Variants in MARCHF3 observed in about 807,000 individuals in gnomAD.
MARCHF3 encodes E3 ubiquitin-protein ligase MARCHF3.
A neutral mutation model predicts 24.2 loss-of-function variants in MARCHF3; 13 were observed. That is an observed-to-expected ratio of 0.54 (90% CI 0.35 to 0.85). The LOEUF (loss-of-function observed/expected upper bound fraction) is 0.85. Ranked by LOEUF, MARCHF3 falls within the 40% of genes least tolerant of loss-of-function variation. The pLI, the probability that MARCHF3 is intolerant of heterozygous loss-of-function variation, is 0.01. For missense variants in MARCHF3, 276 were observed against 325.0 expected, an observed-to-expected ratio of 0.85 and a Z score of 1.16; for synonymous variants, 144 against 137.3, an observed-to-expected ratio of 1.05 and a Z score of -0.34.
At chr5:126,988,064 G>A (rs78210476) in intron 1 of MARCHF3, among the ~76,000 whole-genome samples, 7,834 of 152,148 alleles carry the variant, frequency 0.051, 376 homozygotes, top group South Asian at 0.13. Context: ...AAACTGTCTA[G>A]AAAGAACTAG....
chr5:126,935,337 A>G (rs1167606675), intron 1 of MARCHF3, among the ~76,000 whole-genome samples: 1 of 152,090 alleles, frequency 6.6e-6, no homozygotes, highest in East Asian at 1.9e-4. Context: ...CCCTCCCCCA[A>G]ATAAGAAGGA....
At chr5:126,937,175 TCAC>T (rs952653175) in intron 1 of MARCHF3, among the ~76,000 whole-genome samples, 3 of 152,240 alleles carry the variant, frequency 2.0e-5, no homozygotes, top group Admixed American at 6.5e-5. Flanking sequence ...TCATCAGTGG[TCAC>T]CACCACCAAG....
At chr5:127,003,447 G>A (rs180968033) in intron 1 of MARCHF3, among the ~76,000 whole-genome samples, 1 of 149,066 alleles carries the variant, frequency 6.7e-6, no homozygotes, top group Non-Finnish European at 1.5e-5. Flanking sequence ...CAGCCTGGGC[G>A]ACAGAGCGAG....
At chr5:126,937,884 A>C (rs532837376) in intron 1 of MARCHF3, among the ~76,000 whole-genome samples, 1 of 152,180 alleles carries the variant, frequency 6.6e-6, no homozygotes, top group African/African-American at 2.4e-5. Context: ...ATATTCCACA[A>C]AAAAACTCCT....
chr5:126,985,100 T>A (rs1233977462), intron 1 of MARCHF3, among the ~76,000 whole-genome samples: 1 of 152,112 alleles, frequency 6.6e-6, no homozygotes, highest in Non-Finnish European at 1.5e-5. Context: ...AGAACAATGG[T>A]GAATGGACCT....
At chr5:126,899,586 A>C (rs535025776) in intron 3 of MARCHF3, among the ~76,000 whole-genome samples, 5 of 152,270 alleles carry the variant, frequency 3.3e-5, no homozygotes, top group South Asian at 2.1e-4. Context: ...AAAAAAAGAA[A>C]GGCTATGTAA....
At chr5:126,969,488 T>C (rs1750927950) in intron 1 of MARCHF3, among the ~76,000 whole-genome samples, 1 of 152,212 alleles carries the variant, frequency 6.6e-6, no homozygotes, top group East Asian at 1.9e-4. Flanking sequence ...CACAGACTGT[T>C]ATTTTAAGAC....
intron 1 of MARCHF3, among the ~76,000 whole-genome samples, chr5:126,992,763 G>A (rs1243602494): frequency 7.4e-6 from 1 of 134,666 alleles, no homozygotes; most frequent in African/African-American, 2.8e-5. Flanking sequence ...TGACATCCAC[G>A]TGATTTTTTT....
At chr5:127,005,848 C>T (rs912504887) in intron 1 of MARCHF3, among the ~76,000 whole-genome samples, 1 of 151,980 alleles carries the variant, frequency 6.6e-6, no homozygotes, top group African/African-American at 2.4e-5. Context: ...ATATTAGGTA[C>T]ATTATAAAAC....
chr5:126,915,620 C>T (rs528283779), intron 2 of MARCHF3, among the ~76,000 whole-genome samples: 1 of 152,308 alleles, frequency 6.6e-6, no homozygotes, highest in East Asian at 1.9e-4. Flanking sequence ...GCAACCAACC[C>T]TGCAGCCACT....
chr5:126,896,809 C>T, intron 3 of MARCHF3, among the ~76,000 whole-genome samples: 1 of 151,926 alleles, frequency 6.6e-6, no homozygotes, highest in East Asian at 1.9e-4. Flanking sequence ...ACATAATTAC[C>T]TTTCTAGGTT....
At chr5:127,029,994 G>A (rs192281041) in intron 1 of MARCHF3, 3 of 152,336 alleles carry the variant, frequency 2.0e-5, no homozygotes, top group East Asian at 1.9e-4. Flanking sequence ...GTACCGCACA[G>A]CGCGGGTAAT....
intron 4 of MARCHF3, among the ~76,000 whole-genome samples, chr5:126,871,530 C>T (rs1329664883): frequency 6.6e-6 from 1 of 152,202 alleles, no homozygotes; most frequent in African/African-American, 2.4e-5. Context: ...TTTTCTCTCC[C>T]CCTGCACTAG....
intron 3 of MARCHF3, among the ~76,000 whole-genome samples, chr5:126,883,287 T>C (rs1753400432): frequency 6.6e-6 from 1 of 152,230 alleles, no homozygotes; most frequent in East Asian, 1.9e-4. Context: ...TCCACTCATA[T>C]GGCTGCCAGG....
At chr5:126,945,691 G>T (rs748169358) in intron 1 of MARCHF3, among the ~76,000 whole-genome samples, 2 of 152,240 alleles carry the variant, frequency 1.3e-5, no homozygotes, top group African/African-American at 4.8e-5. Context: ...GGTAAAGGTT[G>T]TAAGTATGGG....
intron 3 of MARCHF3, among the ~76,000 whole-genome samples, chr5:126,884,101 A>C (rs1168989385): frequency 6.6e-6 from 1 of 152,168 alleles, no homozygotes; most frequent in Admixed American, 6.5e-5. Flanking sequence ...TCTACACTAA[A>C]TTCTCGCTTA....
intron 1 of MARCHF3, among the ~76,000 whole-genome samples, chr5:126,945,192 T>C (rs1749968654): frequency 6.6e-6 from 1 of 152,206 alleles, no homozygotes; most frequent in African/African-American, 2.4e-5. Flanking sequence ...GAAGCCATAT[T>C]GATGGCTTGA....
At chr5:127,011,619 AGAAAAG>A (rs1354002354) in intron 1 of MARCHF3, among the ~76,000 whole-genome samples, 3 of 152,228 alleles carry the variant, frequency 2.0e-5, no homozygotes, top group Non-Finnish European at 2.9e-5. Flanking sequence ...TTGCCTGGAA[AGAAAAG>A]GAAAAGGAAA....
intron 1 of MARCHF3, among the ~76,000 whole-genome samples, chr5:126,918,522 T>C (rs1045477353): frequency 2.0e-5 from 3 of 152,186 alleles, no homozygotes; most frequent in African/African-American, 7.2e-5. Context: ...GGCCCAGATC[T>C]GAAGAGAAGA....
Sources: allele counts gnomAD v4.1 joint callset (sites outside exome capture counted in the v4.1 genomes callset), GRCh38; gene constraint gnomAD v4.1.1; transcripts MANE v1.5; gene names NCBI Gene and HGNC (gene_info 2026-07-23, HGNC 2026-07-21).